Variants in NTM observed in about 807,000 individuals in gnomAD.
The protein encoded by NTM is IgLON family member 2.
In NTM, 13 loss-of-function variants were observed where a neutral mutation model predicts 42.1. The observed-to-expected ratio is 0.31, with a 90% confidence interval of 0.20 to 0.49. The LOEUF is 0.49. Among genes scored for constraint, NTM ranks in the 20% least tolerant of loss-of-function variants. The pLI, the probability that NTM is intolerant of heterozygous loss-of-function variation, is 0.99. For synonymous variants in NTM, 187 were observed against 179.2 expected, an observed-to-expected ratio of 1.04 and a Z score of -0.35; for missense variants, 373 against 452.8, an observed-to-expected ratio of 0.82 and a Z score of 1.60.
chr11:131,443,151 CA>C (rs1159376484), intron 1 of NTM, among the ~76,000 whole-genome samples: 1 of 152,082 alleles, frequency 6.6e-6, no homozygotes, highest in Admixed American at 6.5e-5. Flanking sequence ...GTGAGCTGAA[CA>C]GGGTAAGCTA....
intron 3 of NTM, among the ~76,000 whole-genome samples, chr11:132,171,502 C>T (rs7934595): frequency 6.6e-6 from 1 of 151,954 alleles, no homozygotes; most frequent in South Asian, 2.1e-4. Flanking sequence ...TTTTTTATAA[C>T]GACACTAATC....
intron 7 of NTM, among the ~76,000 whole-genome samples, chr11:132,328,325 CCAAGGATGAGTTCTAGCTAAAGT>C (rs972068435): frequency 2.0e-5 from 3 of 152,074 alleles, no homozygotes; most frequent in African/African-American, 7.2e-5. Flanking sequence ...CTGGAAAAGC[CCAAGGATGAGTTCTAGCTAAAGT>C]CAAGGATGAG....
intron 1 of NTM, among the ~76,000 whole-genome samples, chr11:131,531,318 G>T (rs1236024521): frequency 5.9e-5 from 9 of 152,058 alleles, no homozygotes. Flanking sequence ...TTTTTTGGGG[G>T]GGAGGTGGGG....
At chr11:131,412,457 T>C (rs972141587) in intron 1 of NTM, among the ~76,000 whole-genome samples, 3 of 152,228 alleles carry the variant, frequency 2.0e-5, no homozygotes, top group Admixed American at 1.3e-4. Flanking sequence ...CATAGATTTG[T>C]GACTCTTATA....
chr11:132,210,444 G>C (rs140205466), intron 3 of NTM, among the ~76,000 whole-genome samples: 1 of 152,130 alleles, frequency 6.6e-6, no homozygotes, highest in Non-Finnish European at 1.5e-5. Context: ...AGCTCTTAGC[G>C]TGGATACAGA....
At chr11:131,803,518 G>A (rs1041306449) in intron 1 of NTM, among the ~76,000 whole-genome samples, 3 of 152,050 alleles carry the variant, frequency 2.0e-5, no homozygotes, top group Admixed American at 2.0e-4. Context: ...CTATGTTGGC[G>A]AGGCTAGTCT....
At chr11:131,688,097 C>T (rs2074140970) in intron 1 of NTM, among the ~76,000 whole-genome samples, 1 of 152,224 alleles carries the variant, frequency 6.6e-6, no homozygotes, top group African/African-American at 2.4e-5. Context: ...CGCTGCCAGG[C>T]AGTTCTCACA....
At chr11:131,796,050 T>G (rs918366695) in intron 1 of NTM, 1 of 985,350 alleles carries the variant, frequency 1.0e-6, no homozygotes, top group Non-Finnish European at 1.2e-6. Flanking sequence ...CGAGGTGTAA[T>G]GATCAGTGCC....
At chr11:131,551,306 C>T (rs919292002) in intron 1 of NTM, among the ~76,000 whole-genome samples, 79 of 151,990 alleles carry the variant, frequency 5.2e-4, no homozygotes, top group African/African-American at 3.6e-4. Context: ...TAAAGGAAAA[C>T]TTCTCAGGTA....
intron 1 of NTM, among the ~76,000 whole-genome samples, chr11:131,862,185 G>A (rs1565642257): frequency 6.6e-6 from 1 of 152,186 alleles, no homozygotes; most frequent in Non-Finnish European, 1.5e-5. Context: ...ACTGTCTGAG[G>A]AGAGAACAGC....
At chr11:131,831,520 G>C (rs1199532923) in intron 1 of NTM, among the ~76,000 whole-genome samples, 1 of 152,156 alleles carries the variant, frequency 6.6e-6, no homozygotes, top group African/African-American at 2.4e-5. Context: ...GGGAGTCCCA[G>C]CCTGAGTCTG....
chr11:132,256,764 G>A (rs1051552303), intron 4 of NTM, among the ~76,000 whole-genome samples: 1 of 152,022 alleles, frequency 6.6e-6, no homozygotes, highest in Non-Finnish European at 1.5e-5. Flanking sequence ...AGAGGCAGAG[G>A]TGGGCCAATC....
rs1182525836 is a variant in NTM, at chr11:131,598,747, C to CTTTCTTTCTTTG, written c.82+227869_82+227870insTGTTTCTTTCTT. Reference sequence around the variant, plus strand: ...TCTTTCTTTCTTTCTTTCTTTCTTTCTTTCTTTCTTCTTTCTTTTTTTCTT... The same window carrying CTTTCTTTCTTTG: ...TCTTTCTTTCTTTCTTTCTTTCTTTCTTTCTTTCTTTGTTTCTTTCTTCTTTCTTTTTTTCTT... On this transcript the variant is annotated intron_variant, in intron 1 of 8. Coordinates refer to ENST00000683400, the MANE Select transcript of NTM (RefSeq NM_001352005.2). Among the ~76,000 whole-genome samples, 27 of 73,420 alleles carry CTTTCTTTCTTTG rather than the reference C, an allele frequency of 3.7e-4. 1 individual carries two copies. The highest frequency in any genetic ancestry group is 1.1e-3 in the African/African-American group (24 of 21,272). 48.2% of individuals were successfully genotyped at this position (73,420 alleles called of 152,430 possible).
chr11:131,647,873 G>A (rs2134298723), intron 1 of NTM, among the ~76,000 whole-genome samples: 1 of 152,226 alleles, frequency 6.6e-6, no homozygotes, highest in Middle Eastern at 3.4e-3. Flanking sequence ...TTTTGTTTTG[G>A]GTTAAGGGGT....
intron 1 of NTM, among the ~76,000 whole-genome samples, chr11:131,797,477 G>A (rs530926716): frequency 6.6e-5 from 10 of 152,286 alleles, no homozygotes; most frequent in Non-Finnish European, 1.5e-4. Flanking sequence ...GGATAGAATC[G>A]AAGGAAATAT....
chr11:131,595,986 C>T (rs1390619562), intron 1 of NTM, among the ~76,000 whole-genome samples: 4 of 152,222 alleles, frequency 2.6e-5, no homozygotes, highest in African/African-American at 9.6e-5. Context: ...GGTCCTATTG[C>T]AGTCACCATC....
chr11:132,112,985 A>T (rs896857273), intron 2 of NTM, among the ~76,000 whole-genome samples: 2 of 152,138 alleles, frequency 1.3e-5, no homozygotes, highest in Non-Finnish European at 2.9e-5. Flanking sequence ...GGCCTATTGG[A>T]CCATCTTTTA....
At chr11:132,326,781 C>A (rs1035376173) in intron 7 of NTM, among the ~76,000 whole-genome samples, 2 of 152,192 alleles carry the variant, frequency 1.3e-5, no homozygotes, top group African/African-American at 2.4e-5. Context: ...ATTTACTGCA[C>A]TGATGTGTTC....
intron 1 of NTM, among the ~76,000 whole-genome samples, chr11:131,630,369 A>T (rs2063532504): frequency 6.6e-6 from 1 of 152,196 alleles, no homozygotes; most frequent in Admixed American, 6.5e-5. Flanking sequence ...TCCTAGCTTC[A>T]AAGATTTGGA....
Sources: allele counts gnomAD v4.1 joint callset (sites outside exome capture counted in the v4.1 genomes callset), GRCh38; gene constraint gnomAD v4.1.1; transcripts MANE v1.5; gene names NCBI Gene and HGNC (gene_info 2026-07-23, HGNC 2026-07-21).